Variants in DLG2 observed in about 807,000 individuals in gnomAD.
DLG2 encodes the protein disks large homolog 2.
DLG2 carries 45 observed loss-of-function variants against 132.5 expected under a neutral mutation model. The ratio of observed to expected loss-of-function variants is 0.34; its 90% CI spans 0.27 to 0.44. DLG2 has a LOEUF of 0.44. Among genes scored for constraint, DLG2 ranks in the 20% least tolerant of loss-of-function variants. The probability of loss-of-function intolerance (pLI) is 1.00; values close to 1 mark genes in which losing one functional copy is unlikely to be tolerated. For synonymous variants in DLG2, 424 were observed against 419.6 expected, an observed-to-expected ratio of 1.01 and a Z score of -0.13; for missense variants, 1,045 against 1,196.9, an observed-to-expected ratio of 0.87 and a Z score of 1.87.
intron 3 of DLG2, among the ~76,000 whole-genome samples, chr11:85,423,593 G>A (rs1188600852): frequency 2.0e-5 from 3 of 152,132 alleles, no homozygotes; most frequent in Non-Finnish European, 4.4e-5. Context: ...CTCCTTGGGC[G>A]GGTCTTGCTG....
At chr11:84,137,166 G>T (rs2094633688) in intron 9 of DLG2, among the ~76,000 whole-genome samples, 1 of 152,050 alleles carries the variant, frequency 6.6e-6, no homozygotes, top group Non-Finnish European at 1.5e-5. Flanking sequence ...TGGTGGCTTG[G>T]GGCCTGGCAA....
At chr11:83,667,815 TA>T (rs1398703052) in intron 18 of DLG2, among the ~76,000 whole-genome samples, 2 of 150,838 alleles carry the variant, frequency 1.3e-5, no homozygotes, top group Non-Finnish European at 3.0e-5. Context: ...CCGTCTGTAC[TA>T]AAAATACAAA....
intron 6 of DLG2, among the ~76,000 whole-genome samples, chr11:84,855,959 A>AC (rs1280175727): frequency 6.6e-6 from 1 of 151,856 alleles, no homozygotes; most frequent in Non-Finnish European, 1.5e-5. Flanking sequence ...CTATCAGGTC[A>AC]CCCCCTTCCC....
intron 8 of DLG2, among the ~76,000 whole-genome samples, chr11:84,172,907 T>A (rs1404930543): frequency 6.6e-6 from 1 of 152,106 alleles, no homozygotes; most frequent in Non-Finnish European, 1.5e-5. Context: ...CACACGCAAC[T>A]TTGGGTCTAG....
chr11:85,402,363 T>C (rs1325187120), intron 3 of DLG2, among the ~76,000 whole-genome samples: 1 of 152,138 alleles, frequency 6.6e-6, no homozygotes, highest in African/African-American at 2.4e-5. Flanking sequence ...AAAACTTAAA[T>C]GTAAGACCTA....
intron 3 of DLG2, among the ~76,000 whole-genome samples, chr11:85,571,834 A>G (rs148913617): frequency 5.9e-5 from 9 of 152,274 alleles, no homozygotes; most frequent in African/African-American, 2.2e-4. Flanking sequence ...TGGGTTTACT[A>G]TTTTAGTACT....
At chr11:84,941,455 A>T (rs2049406413) in intron 6 of DLG2, among the ~76,000 whole-genome samples, 1 of 152,100 alleles carries the variant, frequency 6.6e-6, no homozygotes, top group South Asian at 2.1e-4. Flanking sequence ...AATTTTATCA[A>T]ATCTTTTTTC....
At chr11:83,475,422 A>C (rs1288722496) in intron 22 of DLG2, among the ~76,000 whole-genome samples, 2 of 152,042 alleles carry the variant, frequency 1.3e-5, no homozygotes, top group Admixed American at 1.3e-4. Context: ...ACAGATGAAG[A>C]AGCTGAGGCT....
intron 18 of DLG2, among the ~76,000 whole-genome samples, chr11:83,753,025 A>C (rs2093400791): frequency 6.6e-6 from 1 of 152,248 alleles, no homozygotes; most frequent in African/African-American, 2.4e-5. Context: ...CAGTGAATTT[A>C]CAAAGGAAAT....
At chr11:84,285,563 G>A (rs1427464783) in intron 7 of DLG2, among the ~76,000 whole-genome samples, 5 of 152,066 alleles carry the variant, frequency 3.3e-5, no homozygotes, top group African/African-American at 1.2e-4. Context: ...TGCATCGTAG[G>A]AGGCTTACCA....
intron 8 of DLG2, 103 bp downstream of exon 8, chr11:84,251,135 G>A (rs2097366435): frequency 1.5e-6 from 1 of 647,838 alleles, no homozygotes; most frequent in Non-Finnish European, 2.5e-6. Flanking sequence ...CATTCCATAA[G>A]ATTATTTAGT....
intron 3 of DLG2, among the ~76,000 whole-genome samples, chr11:85,574,798 G>A (rs72955904): frequency 0.041 from 6,215 of 152,204 alleles, 179 homozygotes; most frequent in East Asian, 0.095. Flanking sequence ...GAGCAGATGC[G>A]GGTGCCAGGC....
At chr11:83,535,157 T>C (rs2095850652) in intron 20 of DLG2, among the ~76,000 whole-genome samples, 1 of 152,198 alleles carries the variant, frequency 6.6e-6, no homozygotes, top group Admixed American at 6.5e-5. Context: ...CAAGGGCAAA[T>C]GATAATTTAT....
At chr11:83,469,151 C>T in intron 25 of DLG2, 50 bp downstream of exon 25, 2 of 1,378,768 alleles carry the variant, frequency 1.5e-6, no homozygotes, top group South Asian at 1.7e-5. Context: ...ATGCAGTTTG[C>T]AACCTAGAAA....
intron 6 of DLG2, among the ~76,000 whole-genome samples, chr11:84,755,006 T>A (rs1020088231): frequency 1.3e-5 from 2 of 152,204 alleles, no homozygotes; most frequent in African/African-American, 4.8e-5. Context: ...TCATAGGATG[T>A]TATGAGAAAA....
chr11:84,934,221 C>G (rs2048420293), intron 6 of DLG2, among the ~76,000 whole-genome samples: 1 of 152,066 alleles, frequency 6.6e-6, no homozygotes, highest in Non-Finnish European at 1.5e-5. Context: ...AGATATAAAG[C>G]CTACTTTATC....
intron 6 of DLG2, among the ~76,000 whole-genome samples, chr11:84,750,905 G>A (rs2066022191): frequency 6.6e-6 from 1 of 152,150 alleles, no homozygotes; most frequent in Non-Finnish European, 1.5e-5. Context: ...ACACTTCCCA[G>A]TGGTTTCTGG....
At chr11:84,712,491 A>C (rs1565740775) in intron 6 of DLG2, among the ~76,000 whole-genome samples, 1 of 151,926 alleles carries the variant, frequency 6.6e-6, no homozygotes, top group Non-Finnish European at 1.5e-5. Context: ...TGAATTATAT[A>C]AACTTCTAGA....
At chr11:85,318,715 A>T (rs984405511) in intron 3 of DLG2, among the ~76,000 whole-genome samples, 7 of 151,864 alleles carry the variant, frequency 4.6e-5, no homozygotes, top group Non-Finnish European at 8.8e-5. Flanking sequence ...CATTACTCAG[A>T]AGGTAAGGAA....
Sources: allele counts gnomAD v4.1 joint callset (sites outside exome capture counted in the v4.1 genomes callset), GRCh38; gene constraint gnomAD v4.1.1; transcripts MANE v1.5; gene names NCBI Gene and HGNC (gene_info 2026-07-23, HGNC 2026-07-21).